The following TYW1 variants were observed in gnomAD, a reference collection of about 807,000 sequenced individuals.
TYW1 encodes S-adenosyl-L-methionine-dependent tRNA 4-demethylwyosine synthase TYW1.
In TYW1, 46 loss-of-function variants were observed where a neutral mutation model predicts 96.2. The observed-to-expected ratio is 0.48, with a 90% confidence interval of 0.38 to 0.61. The LOEUF is 0.61. Ranked by LOEUF, TYW1 falls within the 20% of genes least tolerant of loss-of-function variation. TYW1 has a pLI of 0.00. For missense variants in TYW1, 684 were observed against 909.6 expected, an observed-to-expected ratio of 0.75 and a Z score of 3.19; for synonymous variants, 274 against 323.0, an observed-to-expected ratio of 0.85 and a Z score of 1.63.
intron 14 of TYW1, among the ~76,000 whole-genome samples, chr7:67,184,657 TG>T (rs1461468098): frequency 5.1e-3 from 250 of 49,134 alleles, no homozygotes; most frequent in African/African-American, 0.021. Flanking sequence ...ATTTATGTTA[TG>T]TTATGTTATG....
At chr7:67,083,648 C>T (rs1189387496) in intron 11 of TYW1, 109 bp downstream of exon 11, 6 of 1,231,746 alleles carry the variant, frequency 4.9e-6, no homozygotes, top group South Asian at 4.7e-5. Context: ...GGCAAATTTT[C>T]CTCTAAGGAA....
intron 10 of TYW1, among the ~76,000 whole-genome samples, chr7:67,075,959 C>G (rs374479417): frequency 1.3e-5 from 2 of 152,188 alleles, no homozygotes; most frequent in African/African-American, 2.4e-5. Flanking sequence ...ATAAAGAAAT[C>G]AATGTACTTT....
chr7:67,087,471 A>G (rs757250055), intron 11 of TYW1, among the ~76,000 whole-genome samples: 6 of 152,232 alleles, frequency 3.9e-5, no homozygotes, highest in Non-Finnish European at 8.8e-5. Flanking sequence ...AATCCTGAGT[A>G]GGCATTAGAA....
At chr7:67,087,497 GA>G (rs1796583329) in intron 11 of TYW1, among the ~76,000 whole-genome samples, 1 of 152,170 alleles carries the variant, frequency 6.6e-6, no homozygotes, top group Non-Finnish European at 1.5e-5. Flanking sequence ...AAGATGGAAG[GA>G]ATGATCCCCA....
intron 13 of TYW1, among the ~76,000 whole-genome samples, chr7:67,136,722 A>T (rs1331156494): frequency 6.6e-6 from 1 of 152,020 alleles, no homozygotes; most frequent in Non-Finnish European, 1.5e-5. Context: ...TATTAGGGCA[A>T]CATAAAAATA....
intron 13 of TYW1, among the ~76,000 whole-genome samples, chr7:67,118,308 C>CA (rs1362065924): frequency 1.1e-4 from 17 of 151,976 alleles, no homozygotes; most frequent in African/African-American, 4.1e-4. Flanking sequence ...GCCTGGGTGA[C>CA]AGAGTGAGAC....
chr7:67,120,811 G>A (rs897669188), intron 13 of TYW1, among the ~76,000 whole-genome samples: 5 of 152,192 alleles, frequency 3.3e-5, no homozygotes, highest in African/African-American at 9.7e-5. Flanking sequence ...TTTGGGTGAT[G>A]AATTCAATTG....
chr7:67,103,582 C>A (rs1471863874), intron 12 of TYW1, among the ~76,000 whole-genome samples: 1 of 152,140 alleles, frequency 6.6e-6, no homozygotes, highest in African/African-American at 2.4e-5. Flanking sequence ...CCCTGCCAAC[C>A]CCCATATCCC....
At chr7:67,172,150 T>A (rs1416983824) in intron 13 of TYW1, among the ~76,000 whole-genome samples, 9 of 152,036 alleles carry the variant, frequency 5.9e-5, no homozygotes, top group Admixed American at 5.9e-4. Flanking sequence ...TCTATTTTTT[T>A]GCTTTCTTTT....
intron 13 of TYW1, among the ~76,000 whole-genome samples, chr7:67,147,587 C>T (rs191579290): frequency 1.7e-3 from 253 of 152,256 alleles, no homozygotes; most frequent in African/African-American, 5.8e-3. Flanking sequence ...ATTCTCCACT[C>T]TGTGATAGGC....
intron 15 of TYW1, among the ~76,000 whole-genome samples, chr7:67,223,798 T>C (rs1801472166): frequency 6.6e-6 from 1 of 151,660 alleles, no homozygotes. Flanking sequence ...GTAGCGGCTT[T>C]GGAGCTAAGA....
chr7:67,233,689 T>G (rs1382023918), intron 15 of TYW1, among the ~76,000 whole-genome samples: 1 of 136,462 alleles, frequency 7.3e-6, no homozygotes, highest in African/African-American at 2.9e-5. Context: ...TTTATGCAGC[T>G]GTCTCTCAGC....
chr7:67,038,910 AAAACAAAAC>A (rs1298730288), intron 7 of TYW1, among the ~76,000 whole-genome samples: 1 of 152,204 alleles, frequency 6.6e-6, no homozygotes, highest in Non-Finnish European at 1.5e-5. Flanking sequence ...TCTCAAAAGC[AAAACAAAAC>A]AAACAAAACA....
chr7:67,216,797 G>A, intron 15 of TYW1, among the ~76,000 whole-genome samples: 1 of 150,732 alleles, frequency 6.6e-6, no homozygotes, highest in Non-Finnish European at 1.5e-5. Flanking sequence ...TGAGATCTAA[G>A]TTTGTTACAA....
chr7:67,203,726 G>T (rs1800674733), intron 15 of TYW1, among the ~76,000 whole-genome samples: 2 of 152,170 alleles, frequency 1.3e-5, no homozygotes, highest in South Asian at 2.1e-4. Flanking sequence ...TCCTTCTGTT[G>T]TTCGTTCTTT....
chr7:67,038,286 G>C (rs940903458), intron 7 of TYW1, among the ~76,000 whole-genome samples: 4 of 151,432 alleles, frequency 2.6e-5, no homozygotes, highest in African/African-American at 7.3e-5. Flanking sequence ...CTGGGTGACA[G>C]AGTGAGACTG....
rs1801160093 is a variant in TYW1, at chr7:67,215,052, A to G, written c.1977+19715A>G. 4.0e-5 allele frequency among the ~76,000 whole-genome samples: 6 copies of G among 149,424 alleles called. No homozygotes were observed. In the Admixed American group the frequency reaches 4.0e-4, roughly 10 times the overall value. ...AAGTGTTTCCTCTGCTTCTATTTTC[A>G]TGAAGGTACTGCAGAGAATGGATGT... On this transcript the variant is annotated intron_variant, in intron 15 of 15. Transcript: ENST00000359626.
At chr7:67,214,435 T>C (rs976223391) in intron 15 of TYW1, among the ~76,000 whole-genome samples, 8 of 152,200 alleles carry the variant, frequency 5.3e-5, no homozygotes, top group African/African-American at 1.7e-4. Flanking sequence ...TGTATAATCA[T>C]GTCATCTGTA....
chr7:67,073,784 A>G (rs1182745451), intron 10 of TYW1, among the ~76,000 whole-genome samples: 4 of 145,642 alleles, frequency 2.7e-5, no homozygotes, highest in Admixed American at 7.0e-5. Context: ...AAAAAAAAAA[A>G]AAAAAAAAAG....
Sources: allele counts gnomAD v4.1 joint callset (sites outside exome capture counted in the v4.1 genomes callset), GRCh38; gene constraint gnomAD v4.1.1; transcripts MANE v1.5; gene names NCBI Gene and HGNC (gene_info 2026-07-23, HGNC 2026-07-21).